Variants in ANTXR2 observed in about 807,000 individuals in gnomAD.
ANTXR2 encodes the protein anthrax toxin receptor 2.
ANTXR2 carries 44 observed loss-of-function variants against 73.7 expected under a neutral mutation model. The observed-to-expected ratio is 0.60, with a 90% confidence interval of 0.47 to 0.77. ANTXR2 has a LOEUF of 0.77. Among genes scored for constraint, ANTXR2 ranks in the 30% least tolerant of loss-of-function variants. The probability of loss-of-function intolerance (pLI) is 0.00; values close to 1 mark genes in which losing one functional copy is unlikely to be tolerated. For synonymous variants in ANTXR2, 217 were observed against 205.9 expected (o/e 1.05, Z -0.46); for missense variants, 604 against 592.5 (o/e 1.02, Z -0.20).
At chr4:80,053,759 C>T (rs895982569) in intron 7 of ANTXR2, among the ~76,000 whole-genome samples, 3 of 151,644 alleles carry the variant, frequency 2.0e-5, no homozygotes, top group Non-Finnish European at 4.4e-5. Context: ...TCACTAGAGA[C>T]AGCACAACTG....
intron 10 of ANTXR2, among the ~76,000 whole-genome samples, chr4:80,030,557 T>TC (rs1475080109): frequency 1.3e-5 from 2 of 152,050 alleles, no homozygotes; most frequent in East Asian, 3.9e-4. Flanking sequence ...CGAATAATAC[T>TC]CTTAGTTTTG....
At chr4:80,070,555 G>T (rs1734739825) in intron 2 of ANTXR2, among the ~76,000 whole-genome samples, 1 of 152,156 alleles carries the variant, frequency 6.6e-6, no homozygotes, top group South Asian at 2.1e-4. Flanking sequence ...TTTTACCTCA[G>T]ACCCTGTCCA....
intron 16 of ANTXR2, among the ~76,000 whole-genome samples, chr4:79,963,856 G>A (rs1729243758): frequency 6.6e-6 from 1 of 152,164 alleles, no homozygotes; most frequent in Non-Finnish European, 1.5e-5. Context: ...CTGGCTGAAT[G>A]TAGGTAGTAG....
At chr4:79,993,653 C>G (rs1045968106) in intron 12 of ANTXR2, among the ~76,000 whole-genome samples, 2 of 151,690 alleles carry the variant, frequency 1.3e-5, no homozygotes, top group Non-Finnish European at 2.9e-5. Context: ...GAACCCACAT[C>G]ATTTGAAAGT....
At chr4:80,024,461 A>G (rs1242801824) in intron 10 of ANTXR2, among the ~76,000 whole-genome samples, 2 of 152,214 alleles carry the variant, frequency 1.3e-5, no homozygotes, top group Non-Finnish European at 2.9e-5. Flanking sequence ...TCCTCCAACC[A>G]TGATAAAAAC....
At chr4:79,927,294 CCA>C (rs112013307) in intron 16 of ANTXR2, among the ~76,000 whole-genome samples, 2 of 150,200 alleles carry the variant, frequency 1.3e-5, no homozygotes, top group African/African-American at 2.5e-5. Flanking sequence ...GGAGCTCTTA[CCA>C]CACACACACA....
intron 3 of ANTXR2, among the ~76,000 whole-genome samples, chr4:80,059,098 T>C (rs1295657775): frequency 2.0e-5 from 3 of 152,074 alleles, no homozygotes; most frequent in East Asian, 3.9e-4. Context: ...TCATAGTGTT[T>C]CATCCCCTTT....
intron 10 of ANTXR2, among the ~76,000 whole-genome samples, chr4:80,025,581 A>T (rs1348132784): frequency 6.6e-6 from 1 of 152,192 alleles, no homozygotes; most frequent in Non-Finnish European, 1.5e-5. Flanking sequence ...TATTACAATT[A>T]TGGTGACTTA....
At chr4:79,947,551 G>T (rs903892327) in intron 16 of ANTXR2, among the ~76,000 whole-genome samples, 1 of 152,104 alleles carries the variant, frequency 6.6e-6, no homozygotes, top group African/African-American at 2.4e-5. Flanking sequence ...AACACTTACT[G>T]CACAAGCAGA....
intron 10 of ANTXR2, among the ~76,000 whole-genome samples, chr4:80,031,218 T>C (rs1007626937): frequency 1.3e-5 from 2 of 151,942 alleles, no homozygotes; most frequent in African/African-American, 4.8e-5. Flanking sequence ...ATTTATTAAA[T>C]ACTATAGTAA....
intron 12 of ANTXR2, among the ~76,000 whole-genome samples, chr4:79,993,231 G>A (rs1468831383): frequency 6.6e-6 from 1 of 151,634 alleles, no homozygotes; most frequent in Admixed American, 6.6e-5. Flanking sequence ...AAGGAAAGAA[G>A]TGAGAAGGGG....
At chr4:80,069,555 T>C (rs1030514768) in intron 2 of ANTXR2, 48 bp from the exon 3 acceptor site, 2 of 1,395,156 alleles carry the variant, frequency 1.4e-6, no homozygotes, top group African/African-American at 1.4e-5. Flanking sequence ...AAAAGAAATA[T>C]TGATACGATA....
intron 16 of ANTXR2, among the ~76,000 whole-genome samples, chr4:79,926,626 T>C (rs1010924151): frequency 1.3e-5 from 2 of 152,284 alleles, no homozygotes; most frequent in Admixed American, 6.5e-5. Flanking sequence ...TATTTTTAAA[T>C]AAACTAAGAA....
chr4:80,036,030 T>C lies in ANTXR2; in HGVS notation c.639A>G (p.Ile213Met). 1 of 1,506,674 alleles carries C rather than the reference T, an allele frequency of 6.6e-7. No homozygotes were observed. Among genetic ancestry groups the C allele is most frequent in the East Asian group, 2.5e-5 (1 of 39,490 alleles). 93.3% of individuals were successfully genotyped at this position (1,506,674 alleles called of 1,614,324 possible). A position where few individuals can be genotyped will look rare whatever the true frequency, so the allele number is the denominator to read the frequency against. ...FQALKGIINS[I>M]LAQSCTEILE... ...GGATTTCAGTACATGACTGAGCTAGTATCTAAAAAAGAAAAAAAAAAAAGA... is the reference window on the plus strand; with the variant it reads ...GGATTTCAGTACATGACTGAGCTAGCATCTAAAAAAGAAAAAAAAAAAAGA... Residue 213 changes from isoleucine to methionine, a missense_variant and splice_region_variant, in exon 8 of 17, where the codon ATA (isoleucine) becomes ATG (methionine). By Grantham distance (10) the Ile-to-Met change is conservative. Transcript: ENST00000403729.
chr4:79,973,139 A>G (rs1041744857), intron 16 of ANTXR2, among the ~76,000 whole-genome samples: 7 of 152,070 alleles, frequency 4.6e-5, no homozygotes, highest in Non-Finnish European at 7.4e-5. Flanking sequence ...GGAGGAAGGG[A>G]AGTAAGATAG....
intron 16 of ANTXR2, among the ~76,000 whole-genome samples, chr4:79,963,259 T>C (rs1299519476): frequency 3.9e-5 from 6 of 151,986 alleles, no homozygotes; most frequent in Admixed American, 2.6e-4. Flanking sequence ...ATTTAGAAAT[T>C]AGAGATGTAA....
intron 12 of ANTXR2, among the ~76,000 whole-genome samples, chr4:79,991,531 G>T (rs1392994821): frequency 6.6e-6 from 1 of 152,104 alleles, no homozygotes; most frequent in Admixed American, 6.6e-5. Flanking sequence ...CAGCCATTGT[G>T]GAAAGCAGTT....
chr4:80,067,192 C>T (rs561602639), intron 3 of ANTXR2, among the ~76,000 whole-genome samples: 24 of 146,430 alleles, frequency 1.6e-4, no homozygotes, highest in Non-Finnish European at 2.7e-4. Context: ...GGCAACAGAA[C>T]GAGACTCTGT....
chr4:80,050,808 T>C (rs936612894), intron 7 of ANTXR2, among the ~76,000 whole-genome samples: 1 of 151,784 alleles, frequency 6.6e-6, no homozygotes, highest in East Asian at 1.9e-4. Flanking sequence ...AATCATCTTG[T>C]ACATTATTAT....
Sources: allele counts gnomAD v4.1 joint callset (sites outside exome capture counted in the v4.1 genomes callset), GRCh38; gene constraint gnomAD v4.1.1; transcripts MANE v1.5; gene names NCBI Gene and HGNC (gene_info 2026-07-23, HGNC 2026-07-21).